AGRN: variants seen among roughly 807,000 people sequenced by gnomAD.
AGRN encodes agrin, also known as agrin proteoglycan.
A neutral mutation model predicts 211.0 loss-of-function variants in AGRN; 106 were observed. That is an observed-to-expected ratio of 0.50 (90% CI 0.43 to 0.59). AGRN has a LOEUF of 0.59. Among genes scored for constraint, AGRN ranks in the 20% least tolerant of loss-of-function variants. The pLI, the probability that AGRN is intolerant of heterozygous loss-of-function variation, is 0.00. For synonymous variants in AGRN, 1,525 were observed against 1,332.5 expected, an observed-to-expected ratio of 1.14 and a Z score of -3.15; for missense variants, 3,040 against 2,982.6, an observed-to-expected ratio of 1.02 and a Z score of -0.45.
rs759853904 is a variant in AGRN at position 1,046,736 on chromosome 1, G to C, written c.3250+1G>C. ...GAGGCCAGTGGGGGTGGCTCTGGGGGTGAGCAGGGATCAAGGACTTGGGGT... is the reference window on the plus strand; with the variant it reads ...GAGGCCAGTGGGGGTGGCTCTGGGGCTGAGCAGGGATCAAGGACTTGGGGT... On this transcript the variant is annotated splice_donor_variant, in intron 18 of 35. Transcript: ENST00000379370. LOFTEE classifies it high-confidence loss of function. The C allele has an allele frequency of 6.3e-7, 1 of 1,581,184 alleles. No individual in the cohort carries two copies. Among genetic ancestry groups the C allele is most frequent in the Non-Finnish European group, 8.5e-7 (1 of 1,170,260 alleles).
chr1:1,029,264 G>T (rs568722487), intron 2 of AGRN, among the ~76,000 whole-genome samples: 2 of 152,306 alleles, frequency 1.3e-5, no homozygotes, highest in Non-Finnish European at 2.9e-5. Flanking sequence ...GTCCACACGG[G>T]AACATATGGG....
Position 1,047,842 on chromosome 1 carries a change from G to T in AGRN, c.3698G>T (p.Arg1233Leu). 6.2e-7 allele frequency: 1 copy of T among 1,605,430 alleles called. No homozygotes were observed. The highest frequency in any genetic ancestry group is 1.3e-5 in the African/African-American group (1 of 74,898). ...LLRQIQVSRR[R>L]SLGVRRPLQE... ...CGGCAGATCCAGGTGTCCAGGCGCC[G>T]GTCCTTGGGGGTGAGGCGGCCGCTG... is the stretch of plus-strand genomic sequence containing the variant. Residue 1233 changes from arginine to leucine, a missense_variant, in exon 22 of 36, where the codon CGG becomes CTG. Coordinates refer to ENST00000379370, the MANE Select transcript of AGRN (RefSeq NM_198576.4).
At position 1,046,900 on chromosome 1, in the gene AGRN, G is replaced by A. The variant is rs113189720; in HGVS notation, c.3331G>A (p.Gly1111Ser). 2 of 1,583,644 alleles carry A rather than the reference G, an allele frequency of 1.3e-6. No homozygotes were observed. The highest frequency in any genetic ancestry group is 1.3e-5 in the African/African-American group (1 of 74,832). ...ERASCYNSAL[G>S]CCSDGKTPSL... ...GGCTTCCTGCTACAACTCCGCGTTG[G>A]GCTGCTGCTCTGATGGGAAGACGCC... The change falls in exon 19 of 36, where the codon GGC (glycine) becomes AGC (serine). Residue 1111 changes from glycine (G) to serine (S), a missense_variant. Around this residue, in one of 3 missense-constraint regions of AGRN, gnomAD observed 1,537 missense variants for 1,505.0 expected, o/e 1.02. Coordinates refer to ENST00000379370, the MANE Select transcript of AGRN (RefSeq NM_198576.4).
chr1:1,053,576 G>A, intron 33 of AGRN, 177 bp from the exon 34 acceptor site: 8 of 1,517,692 alleles, frequency 5.3e-6, no homozygotes, highest in Non-Finnish European at 7.1e-6. Context: ...TCTCTGCCAG[G>A]CTGCCCCTGT....
Position 1,020,376 on chromosome 1 carries a change from G to T in AGRN, c.201+3G>T. ...TGCAGCACACGTACTCCTGCAAGGT[G>T]CGCCCACCCGGACCCCGGCCTCCCC... On this transcript the variant is annotated splice_donor_region_variant and intron_variant, in intron 1 of 35. Coordinates refer to ENST00000379370, the MANE Select transcript of AGRN (RefSeq NM_198576.4). 6.7e-7 allele frequency: 1 copy of T among 1,495,928 alleles called. No homozygotes were observed. Among genetic ancestry groups the T allele is most frequent in the Non-Finnish European group, 8.9e-7 (1 of 1,121,436 alleles). The allele number at this position is 1,495,928 out of a possible 1,614,324, so 92.7% of individuals were successfully genotyped here.
chr1:1,044,831 G>A (rs1278222325), intron 12 of AGRN, among the ~76,000 whole-genome samples: 1 of 152,200 alleles, frequency 6.6e-6, no homozygotes, highest in Admixed American at 6.5e-5. Context: ...CGGTTTGGAG[G>A]AATGTGGGTG....
In AGRN at chr1:1,032,056, C is replaced by T. The variant is rs2100597026; in HGVS notation, c.464-3221C>T. The stretch of plus-strand genomic sequence containing the variant: ...TCAGCACCGCCGGAACACTGTCAGC[C>T]TGGTGTGGACAGTGCCAAGGTCCAG... On this transcript the variant is annotated intron_variant, in intron 2 of 35. Transcript: ENST00000379370. The surrounding 1 kb of genome is among the most constrained non-coding windows in gnomAD (Gnocchi z 4.7). Among the ~76,000 whole-genome samples, 1 of 152,342 alleles carries T rather than the reference C, an allele frequency of 6.6e-6. No individual in the cohort carries two copies. The highest frequency in any genetic ancestry group is 2.4e-5 in the African/African-American group (1 of 41,576).
rs1645056917 is a variant in AGRN, at chr1:1,045,232, G to A, written c.2326G>A (p.Asp776Asn). The A allele has an allele frequency of 2.5e-6, 4 of 1,612,316 alleles. No individual in the cohort carries two copies. The highest frequency in any genetic ancestry group is 1.3e-5 in the African/African-American group (1 of 74,938). The change falls in exon 13 of 36, where the codon GAC (aspartate) becomes AAC (asparagine). Residue 776 changes from aspartate (D) to asparagine (N), a missense_variant. Coordinates refer to ENST00000379370, the MANE Select transcript of AGRN (RefSeq NM_198576.4). ...CCAGACGCCCTACGGCTGCTGCCAG[G>A]ACAATATCACCGCAGCCCGGGGCGT... ...CAQTPYGCCQ[D>N]NITAARGVGL... is the part of the protein sequence containing the mutation.
intron 1 of AGRN, among the ~76,000 whole-genome samples, chr1:1,021,865 G>T (rs1212921608): frequency 6.6e-6 from 1 of 152,244 alleles, no homozygotes; most frequent in Non-Finnish European, 1.5e-5. Flanking sequence ...GTGGGGAGAA[G>T]TGTGGAAGGC....
chr1:1,049,197 G>T, intron 24 of AGRN, 39 bp from the exon 25 acceptor site: 1 of 1,502,690 alleles, frequency 6.7e-7, no homozygotes, highest in South Asian at 1.3e-5. Context: ...GTGGGGACGG[G>T]GCCGGGCGAT....
At chr1:1,040,966 GGGGC>G in intron 4 of AGRN, 86 bp downstream of exon 4, 1 of 449,628 alleles carries the variant, frequency 2.2e-6, no homozygotes, top group Non-Finnish European at 3.2e-6. Flanking sequence ...CGGGGCCAGT[GGGGC>G]GGGGGCAGGG....
chr1:1,034,576 G>A, intron 2 of AGRN: 2 of 986,286 alleles, frequency 2.0e-6, no homozygotes, highest in Non-Finnish European at 2.4e-6. Flanking sequence ...TGCCGCTGGC[G>A]CGGGACACCC....
At position 1,046,635 on chromosome 1, in the gene AGRN, C is replaced by T. The variant is rs1441588091; in HGVS notation, c.3150C>T (p.Pro1050=). 1 of 1,600,068 alleles carries T rather than the reference C, an allele frequency of 6.2e-7. No homozygotes were observed. The highest frequency in any genetic ancestry group is 1.7e-5 in the Admixed American group (1 of 59,786). ...TVPPTAPSPA[P]SLVASAFGES... is the part of the protein sequence containing the mutation. ...CCCCCACGGCACCCTCCCCTGCACCCAGCCTGGTGGCGTCCGCCTTTGGTG... is the reference window on the plus strand; with the variant it reads ...CCCCCACGGCACCCTCCCCTGCACCTAGCCTGGTGGCGTCCGCCTTTGGTG... Residue 1050 remains proline (P), a synonymous_variant, in exon 18 of 36, where the codon CCC becomes CCT. Coordinates refer to ENST00000379370, the MANE Select transcript of AGRN (RefSeq NM_198576.4).
At chr1:1,029,981 A>G (rs868690248) in intron 2 of AGRN, among the ~76,000 whole-genome samples, 14 of 23,982 alleles carry the variant, frequency 5.8e-4, no homozygotes, top group South Asian at 3.8e-3. Context: ...TGAGATCAGC[A>G]TGTGTGTGTG....
chr1:1,048,945 G>A lies in AGRN; in HGVS notation c.4184G>A (p.Arg1395His), dbSNP rs754594165. Residue 1395 changes from arginine to histidine, a missense_variant, in exon 24 of 36, where the codon CGC becomes CAC. This residue lies in a region of AGRN where 1,537 missense variants were observed against 1,505.0 expected (regional missense o/e 1.02). Transcript: ENST00000379370. The surrounding 1 kb of genome is among the most constrained non-coding windows in gnomAD (Gnocchi z 5.9). ...FPTLRAYHTL[R>H]LALEFRALEP... is the part of the protein sequence containing the mutation. The stretch of plus-strand genomic sequence containing the variant: ...ACTCTCCGCGCCTACCACACGCTGC[G>A]CCTGGCACTGGAATTCCGGGCGCTG... The A allele has an allele frequency of 1.7e-5, 27 of 1,567,302 alleles. No individual in the cohort carries two copies. The highest frequency in any genetic ancestry group is 1.2e-4 in the East Asian group (5 of 42,480).
intron 6 of AGRN, 61 bp downstream of exon 6, chr1:1,041,763 C>G: frequency 6.9e-7 from 1 of 1,448,842 alleles, no homozygotes; most frequent in Non-Finnish European, 9.3e-7. Context: ...GGCGGCTCCC[C>G]CGGGGGAGGG....
chr1:1,041,118 GGGGC>G, intron 4 of AGRN, 51 bp from the exon 5 acceptor site: 1 of 1,149,590 alleles, frequency 8.7e-7, no homozygotes, highest in Non-Finnish European at 1.1e-6. Context: ...GGGCGGGAGC[GGGGC>G]GGGAGCGGGG....
intron 2 of AGRN, among the ~76,000 whole-genome samples, chr1:1,030,496 C>CGT (rs370270944): frequency 0.046 from 410 of 8,920 alleles, 50 homozygotes; most frequent in Admixed American, 0.09. Context: ...GTGAGATCAG[C>CGT]GTGTGTGTGC....
At chr1:1,041,443 G>C (rs764476283) in intron 5 of AGRN, 35 bp from the exon 6 acceptor site, 5 of 1,560,808 alleles carry the variant, frequency 3.2e-6, no homozygotes, top group Non-Finnish European at 2.6e-6. Flanking sequence ...TGGGCGCGCG[G>C]CGACAGCGTC....
Sources: allele counts gnomAD v4.1 joint callset (sites outside exome capture counted in the v4.1 genomes callset), GRCh38; gene constraint gnomAD v4.1.1; regional missense constraint gnomAD v4.1.1; non-coding constraint Gnocchi (gnomAD v3.1); transcripts MANE v1.5; gene names NCBI Gene and HGNC (gene_info 2026-07-23, HGNC 2026-07-21).